The following CEP85L variants were observed in gnomAD, a reference collection of about 807,000 sequenced individuals.
The protein encoded by CEP85L is centrosomal protein 85L.
In CEP85L, 60 loss-of-function variants were observed where a neutral mutation model predicts 100.3. That is an observed-to-expected ratio of 0.60 (90% CI 0.49 to 0.74). The LOEUF (loss-of-function observed/expected upper bound fraction) is 0.74. CEP85L is among the 30% of genes least tolerant of loss of function. The pLI is 0.00. For synonymous variants in CEP85L, 319 were observed against 322.7 expected (o/e 0.99, Z 0.12); for missense variants, 973 against 936.2 (o/e 1.04, Z -0.51).
chr6:118,693,529 G>A (rs1777111478), intron 1 of CEP85L, among the ~76,000 whole-genome samples: 1 of 152,188 alleles, frequency 6.6e-6, no homozygotes, highest in South Asian at 2.1e-4. Context: ...GAAGATCTAT[G>A]TCATCCAAGG....
At chr6:118,543,717 A>G (rs539435608) in intron 3 of CEP85L, among the ~76,000 whole-genome samples, 28 of 152,336 alleles carry the variant, frequency 1.8e-4, no homozygotes, top group Admixed American at 1.1e-3. Flanking sequence ...TCAAATCGTT[A>G]TGGTAGGCAT....
At chr6:118,682,500 T>A (rs944989644) in intron 1 of CEP85L, among the ~76,000 whole-genome samples, 33 of 151,564 alleles carry the variant, frequency 2.2e-4, no homozygotes, top group Non-Finnish European at 3.7e-4. Flanking sequence ...TGTCTACAGG[T>A]GAGACACAAG....
chr6:118,548,761 CTTAA>C (rs1778358391), intron 3 of CEP85L, among the ~76,000 whole-genome samples: 1 of 151,988 alleles, frequency 6.6e-6, no homozygotes, highest in East Asian at 1.9e-4. Context: ...AAAACAATGA[CTTAA>C]TTTTGTTATT....
intron 4 of CEP85L, among the ~76,000 whole-genome samples, chr6:118,522,857 C>T (rs932314210): frequency 2.1e-5 from 3 of 144,960 alleles, no homozygotes; most frequent in Non-Finnish European, 3.0e-5. Flanking sequence ...CCAGCCTGGG[C>T]GACAGACTGA....
At chr6:118,471,137 G>A (rs1490172089) in intron 10 of CEP85L, among the ~76,000 whole-genome samples, 2 of 151,936 alleles carry the variant, frequency 1.3e-5, no homozygotes, top group African/African-American at 2.4e-5. Flanking sequence ...AATCCAAGCA[G>A]TGAATATACT....
intron 5 of CEP85L, among the ~76,000 whole-genome samples, chr6:118,497,700 AT>A: frequency 6.6e-6 from 1 of 152,150 alleles, no homozygotes; most frequent in Non-Finnish European, 1.5e-5. Flanking sequence ...AAATTGAAGG[AT>A]TTTTGTGGCC....
chr6:118,677,624 T>TA (rs1776522626), intron 1 of CEP85L, among the ~76,000 whole-genome samples: 1 of 152,240 alleles, frequency 6.6e-6, no homozygotes, highest in Non-Finnish European at 1.5e-5. Flanking sequence ...ATTTTTACTG[T>TA]ATTGAATTTA....
Position 118,483,727 on chromosome 6 carries a change from A to G in CEP85L, c.1569T>C (p.Asp523=), listed in dbSNP as rs371683016. The stretch of plus-strand genomic sequence containing the variant: ...TTACCTGTAGACTCTGACTCTGTAC[A>G]TCATCTAGAGTTGGAAGATCAGCCA... ...KYLADLPTLD[D]VQSQSLQLQI... Residue 523 remains aspartate (D), a synonymous_variant, in exon 7 of 13, where the codon GAT becomes GAC. Coordinates refer to ENST00000368491, the MANE Select transcript of CEP85L (RefSeq NM_001042475.3). 2.4e-5 allele frequency: 39 copies of G among 1,613,468 alleles called. No individual in the cohort carries two copies. The African/African-American group carries it at 4.5e-4, about 19-fold the overall frequency.
At chr6:118,475,092 GAGTCACAGA>G (rs1773252957) in intron 10 of CEP85L, among the ~76,000 whole-genome samples, 1 of 152,176 alleles carries the variant, frequency 6.6e-6, no homozygotes, top group South Asian at 2.1e-4. Context: ...ATATGGTCAA[GAGTCACAGA>G]AGACCATATA....
upstream of CEP85L, chr6:118,656,833 C>G (rs905922096): frequency 6.6e-6 from 1 of 152,222 alleles, no homozygotes; most frequent in African/African-American, 2.4e-5. Flanking sequence ...CACAGTCGCC[C>G]TACTCCATGC....
At chr6:118,590,347 G>C (rs923875143) in intron 2 of CEP85L, among the ~76,000 whole-genome samples, 16 of 152,204 alleles carry the variant, frequency 1.1e-4, no homozygotes, top group African/African-American at 3.6e-4. Flanking sequence ...GGGCTGAGCC[G>C]GCAAGCTTTG....
At chr6:118,508,694 TG>T (rs1223982490) in intron 5 of CEP85L, among the ~76,000 whole-genome samples, 10 of 152,094 alleles carry the variant, frequency 6.6e-5, no homozygotes, top group African/African-American at 2.2e-4. Context: ...CATTTAAAAA[TG>T]TTACTTTTAT....
At chr6:118,617,656 T>C (rs1048185286) in intron 2 of CEP85L, among the ~76,000 whole-genome samples, 7 of 152,198 alleles carry the variant, frequency 4.6e-5, no homozygotes, top group African/African-American at 1.7e-4. Context: ...ACCCCTTCCA[T>C]GCTGTGGAAG....
At position 118,481,952 on chromosome 6, in the gene CEP85L, C is replaced by A; in HGVS notation, c.1591-19G>T. 1 of 1,444,434 alleles carries A rather than the reference C, an allele frequency of 6.9e-7. No homozygotes were observed. Among genetic ancestry groups the A allele is most frequent in the Admixed American group, 2.3e-5 (1 of 43,402 alleles). 89.5% of individuals were successfully genotyped at this position (1,444,434 alleles called of 1,614,324 possible). Reference sequence around the variant, plus strand: ...TCTGCAGCTAAGGAGAAATGTTTTACAGTTCATTACACATGAAATATTAAA... The same window carrying A: ...TCTGCAGCTAAGGAGAAATGTTTTAAAGTTCATTACACATGAAATATTAAA... On this transcript the variant is annotated intron_variant, in intron 7 of 12. Coordinates refer to ENST00000368491, the MANE Select transcript of CEP85L (RefSeq NM_001042475.3).
chr6:118,483,672 G>T, intron 7 of CEP85L, 34 bp downstream of exon 7: 2 of 1,576,602 alleles, frequency 1.3e-6, no homozygotes, highest in Non-Finnish European at 1.7e-6. Flanking sequence ...ATGTTTTCAT[G>T]TCATTTAAAG....
chr6:118,480,526 A>G lies in CEP85L; in HGVS notation c.1746-13T>C. ...TTTTTGTTGCAAACTATTTCAAAAG[A>G]CAATTATATGAAGAAAATAAGCTCT... On this transcript the variant is annotated splice_polypyrimidine_tract_variant and intron_variant, in intron 8 of 12. Coordinates refer to ENST00000368491, the MANE Select transcript of CEP85L (RefSeq NM_001042475.3). 6.7e-7 allele frequency: 1 copy of G among 1,500,608 alleles called. No individual in the cohort carries two copies. Among genetic ancestry groups the G allele is most frequent in the Non-Finnish European group, 9.2e-7 (1 of 1,081,814 alleles). The allele number at this position is 1,500,608 out of a possible 1,614,324, so 93.0% of individuals were successfully genotyped here. A position where few individuals can be genotyped will look rare whatever the true frequency, so the allele number is the denominator to read the frequency against.
intron 1 of CEP85L, among the ~76,000 whole-genome samples, chr6:118,659,716 A>G (rs1023974034): frequency 6.6e-6 from 1 of 152,216 alleles, no homozygotes; most frequent in South Asian, 2.1e-4. Context: ...TTCTTTGCTC[A>G]CCCTTGAAGG....
At chr6:118,680,271 GA>G (rs374032688) in intron 1 of CEP85L, among the ~76,000 whole-genome samples, 3,513 of 109,772 alleles carry the variant, frequency 0.032, 74 homozygotes, top group African/African-American at 0.058. Flanking sequence ...CCAGCCTGGG[GA>G]AAAAAAAAAA....
intron 1 of CEP85L, among the ~76,000 whole-genome samples, chr6:118,700,077 T>G (rs1158389897): frequency 6.6e-6 from 1 of 152,244 alleles, no homozygotes; most frequent in African/African-American, 2.4e-5. Flanking sequence ...TCAGTGTCAC[T>G]GTTGAAATCA....
Sources: gnomAD v4.1 joint callset for allele counts (sites outside exome capture counted in the v4.1 genomes callset) on GRCh38, gnomAD v4.1.1 for gene constraint, MANE v1.5 for transcripts, NCBI Gene and HGNC (gene_info 2026-07-23, HGNC 2026-07-21) for gene names.